Variants in TMEM132D observed in about 807,000 individuals in gnomAD.
TMEM132D encodes the protein transmembrane protein 132D.
A neutral mutation model predicts 62.3 loss-of-function variants in TMEM132D; 21 were observed. That is an observed-to-expected ratio of 0.34 (90% CI 0.24 to 0.49). The LOEUF (loss-of-function observed/expected upper bound fraction) is 0.49, where lower values mean the gene tolerates loss of function less well. Ranked by LOEUF, TMEM132D falls within the 20% of genes least tolerant of loss-of-function variation. The probability of loss-of-function intolerance (pLI) is 0.99; values close to 1 mark genes in which losing one functional copy is unlikely to be tolerated. For synonymous variants in TMEM132D, 621 were observed against 575.6 expected (o/e 1.08, Z -1.13); for missense variants, 1,346 against 1,402.8 (o/e 0.96, Z 0.65).
chr12:129,223,981 T>C (rs1265289033), intron 4 of TMEM132D, among the ~76,000 whole-genome samples: 1 of 152,154 alleles, frequency 6.6e-6, no homozygotes, highest in Non-Finnish European at 1.5e-5. Context: ...AAGTTGTGCA[T>C]TGCAGCATCT....
chr12:129,671,711 C>G (rs1176240653), intron 2 of TMEM132D, among the ~76,000 whole-genome samples: 3 of 151,972 alleles, frequency 2.0e-5, no homozygotes, highest in Non-Finnish European at 4.4e-5. Flanking sequence ...AGAGTGGGAG[C>G]ACGGAGAGGA....
intron 3 of TMEM132D, among the ~76,000 whole-genome samples, chr12:129,479,704 A>G (rs1038556601): frequency 2.0e-5 from 3 of 152,212 alleles, no homozygotes; most frequent in African/African-American, 7.2e-5. Context: ...GGGTGATGTG[A>G]GTTTAAGGGA....
intron 4 of TMEM132D, among the ~76,000 whole-genome samples, chr12:129,268,783 G>A (rs1232484317): frequency 1.3e-5 from 2 of 152,090 alleles, no homozygotes; most frequent in African/African-American, 2.4e-5. Context: ...GTCCAACAAT[G>A]AGAGACTGGA....
intron 1 of TMEM132D, among the ~76,000 whole-genome samples, chr12:129,785,478 A>G (rs1871226003): frequency 6.6e-6 from 1 of 152,260 alleles, no homozygotes; most frequent in South Asian, 2.1e-4. Context: ...TACATGCTAA[A>G]TCAACGTTAT....
intron 5 of TMEM132D, among the ~76,000 whole-genome samples, chr12:129,106,793 A>G (rs1280385190): frequency 2.0e-5 from 3 of 152,188 alleles, no homozygotes; most frequent in African/African-American, 4.8e-5. Context: ...GAGCCAGTGC[A>G]CACTCTTCTT....
chr12:129,121,179 T>G (rs1392148901), intron 5 of TMEM132D, among the ~76,000 whole-genome samples: 2 of 152,184 alleles, frequency 1.3e-5, no homozygotes, highest in Non-Finnish European at 2.9e-5. Context: ...CACTGCAACC[T>G]CCACCTCCTG....
intron 4 of TMEM132D, among the ~76,000 whole-genome samples, chr12:129,331,128 C>A (rs1036082231): frequency 2.0e-5 from 3 of 152,176 alleles, no homozygotes; most frequent in African/African-American, 7.2e-5. Flanking sequence ...GGGAGCTGGG[C>A]TCTAACGAGA....
chr12:129,737,211 A>G (rs1404340768), intron 1 of TMEM132D, among the ~76,000 whole-genome samples: 1 of 152,316 alleles, frequency 6.6e-6, no homozygotes, highest in Non-Finnish European at 1.5e-5. Context: ...GTTTAGCAGC[A>G]TTCCTGACCT....
intron 2 of TMEM132D, among the ~76,000 whole-genome samples, chr12:129,544,034 G>T (rs75032600): frequency 0.016 from 2,365 of 152,302 alleles, 31 homozygotes; most frequent in African/African-American, 0.041. Context: ...AGAGATGCAT[G>T]TGCTCAATTT....
intron 1 of TMEM132D, among the ~76,000 whole-genome samples, chr12:129,859,103 C>T (rs896660819): frequency 2.6e-5 from 4 of 152,028 alleles, no homozygotes; most frequent in Admixed American, 6.5e-5. Context: ...AAGAGTCCTG[C>T]GGGAGGGTGT....
chr12:129,318,100 C>T (rs1868545425), intron 4 of TMEM132D, among the ~76,000 whole-genome samples: 1 of 152,142 alleles, frequency 6.6e-6, no homozygotes, highest in Non-Finnish European at 1.5e-5. Context: ...CTGGTCCCTC[C>T]CTTATTAGCT....
At position 129,779,941 on chromosome 12, in the gene TMEM132D, A is replaced by G. The variant is rs1871067797; in HGVS notation, c.80-79243T>C. Among the ~76,000 whole-genome samples the G allele has an allele frequency of 6.6e-6, 1 of 152,024 alleles. No homozygotes were observed. The highest frequency in any genetic ancestry group is 2.1e-4 in the South Asian group (1 of 4,810). ...ATTGACTCCAGAAATCCTTACAACC[A>G]TCCTCCGAGAAAGCACTGTCAGCCC... On this transcript the variant is annotated intron_variant, in intron 1 of 8. Coordinates refer to ENST00000422113, the MANE Select transcript of TMEM132D (RefSeq NM_133448.3). This position sits in a 1 kb window ranked among gnomAD's most constrained non-coding sequence, Gnocchi z 4.1.
At chr12:129,092,654 C>T (rs148127394) in intron 5 of TMEM132D, among the ~76,000 whole-genome samples, 45 of 152,170 alleles carry the variant, frequency 3.0e-4, no homozygotes, top group African/African-American at 1.1e-3. Flanking sequence ...GAGACTCGCG[C>T]CATTTTACTC....
intron 1 of TMEM132D, among the ~76,000 whole-genome samples, chr12:129,780,339 AGGGGGGGGGCC>A (rs1288919106): frequency 6.9e-6 from 1 of 145,236 alleles, no homozygotes; most frequent in Non-Finnish European, 1.5e-5. Context: ...GTTGGTGGGG[AGGGGGGGGGCC>A]GGGGGGGCAC....
chr12:129,225,091 C>T (rs887832079), intron 4 of TMEM132D, among the ~76,000 whole-genome samples: 3 of 152,232 alleles, frequency 2.0e-5, no homozygotes, highest in East Asian at 3.9e-4. Flanking sequence ...CTGTGACTTT[C>T]GGCAAAATAG....
intron 5 of TMEM132D, among the ~76,000 whole-genome samples, chr12:129,094,830 C>T (rs1008375135): frequency 1.3e-5 from 2 of 152,150 alleles, no homozygotes; most frequent in African/African-American, 2.4e-5. Flanking sequence ...GGCACATATA[C>T]ACCATGGAAT....
intron 5 of TMEM132D, chr12:129,111,479 C>A (rs1352382392): frequency 1.3e-5 from 2 of 152,262 alleles, no homozygotes; most frequent in Non-Finnish European, 2.9e-5. Context: ...AGAGAATGTG[C>A]ATTCTGACGG....
At position 129,422,626 on chromosome 12, in the gene TMEM132D, C is replaced by T. The variant is rs541605048; in HGVS notation, c.1116-84809G>A. Reference sequence around the variant, plus strand: ...GCATTAACTTTCTGGAAATTAATCTCGCCATGTCTATCGAAGTCAACAATT... The same window carrying T: ...GCATTAACTTTCTGGAAATTAATCTTGCCATGTCTATCGAAGTCAACAATT... On this transcript the variant is annotated intron_variant, in intron 3 of 8. Transcript: ENST00000422113. Among the ~76,000 whole-genome samples, 4 of 152,256 alleles carry T rather than the reference C, an allele frequency of 2.6e-5. No homozygotes were observed. The East Asian group carries it at 5.8e-4, about 22-fold the overall frequency.
At chr12:129,514,584 A>G (rs935040969) in intron 3 of TMEM132D, among the ~76,000 whole-genome samples, 1 of 152,190 alleles carries the variant, frequency 6.6e-6, no homozygotes, top group Non-Finnish European at 1.5e-5. Context: ...TGTGCATGTG[A>G]GCTGAATGAA....
Sources: allele counts gnomAD v4.1 joint callset (sites outside exome capture counted in the v4.1 genomes callset), GRCh38; gene constraint gnomAD v4.1.1; non-coding constraint Gnocchi (gnomAD v3.1); transcripts MANE v1.5; gene names NCBI Gene and HGNC (gene_info 2026-07-23, HGNC 2026-07-21).